The following ZNF202 variants were observed in gnomAD, a reference collection of about 807,000 sequenced individuals.
ZNF202 encodes zinc finger protein 202.
Under a neutral mutation model 54.5 loss-of-function variants are expected in ZNF202, and 22 were observed. The ratio of observed to expected loss-of-function variants is 0.40; its 90% CI spans 0.29 to 0.58. The LOEUF (loss-of-function observed/expected upper bound fraction) is 0.58. ZNF202 is among the 20% of genes least tolerant of loss of function. The probability of loss-of-function intolerance (pLI) is 0.39; values close to 1 mark genes in which losing one functional copy is unlikely to be tolerated. For missense variants in ZNF202, 644 were observed against 805.5 expected (o/e 0.80, Z 2.43); for synonymous variants, 294 against 301.4 (o/e 0.98, Z 0.26).
At position 123,726,544 on chromosome 11, in the gene ZNF202, G is replaced by A; in HGVS notation, c.1400C>T (p.Pro467Leu). The A allele has an allele frequency of 1.2e-6, 2 of 1,614,230 alleles. No homozygotes were observed. The highest frequency in any genetic ancestry group is 2.2e-5 in the South Asian group (2 of 91,078). ...LNRKNLEETS[P>L]VTQAERTPSV... ...TGGAGTTCTCTCAGCCTGTGTCACA[G>A]GGGAGGTCTCTTCCAAATTCTTCCG... The change falls in exon 9 of 9, where the codon CCT (proline) becomes CTT (leucine). Residue 467 changes from proline to leucine, a missense_variant. Coordinates refer to ENST00000530393, the MANE Select transcript of ZNF202 (RefSeq NM_003455.4). This position sits in a 1 kb window ranked among gnomAD's most constrained non-coding sequence, Gnocchi z 6.0.
chr11:123,728,394 T>C (rs1861251699), intron 6 of ZNF202, 132 bp from the exon 7 acceptor site: 4 of 1,212,470 alleles, frequency 3.3e-6, no homozygotes, highest in South Asian at 1.8e-5. Context: ...CTGCTTAAAC[T>C]CATTCTCGGG....
In ZNF202 at chr11:123,733,786, C is replaced by T. The variant is rs184622232; in HGVS notation, c.-97-2801G>A. On this transcript the variant is annotated intron_variant, in intron 3 of 8. Coordinates refer to ENST00000530393, the MANE Select transcript of ZNF202 (RefSeq NM_003455.4). ...TAATGCTTTTGTGTATTATTTAGAT[C>T]GATGCCTTCAAGTAATGTTTGGCCT... Among the ~76,000 whole-genome samples, 344 of 152,258 alleles carry T rather than the reference C, an allele frequency of 2.3e-3. 1 individual carries two copies. The highest frequency in any genetic ancestry group is 8.0e-3 in the African/African-American group (331 of 41,544).
Position 123,729,845 on chromosome 11 carries a change from C to A in ZNF202, c.403-20G>T. The A allele has an allele frequency of 6.3e-7, 1 of 1,580,804 alleles. No homozygotes were observed. The highest frequency in any genetic ancestry group is 8.6e-7 in the Non-Finnish European group (1 of 1,164,924). On this transcript the variant is annotated intron_variant, in intron 4 of 8. Transcript: ENST00000530393. ...AGTCACCTGGGAATAATTCCAACTTCCAGTCACCATGGAGTCAGGAGGAAG... is the reference window on the plus strand; with the variant it reads ...AGTCACCTGGGAATAATTCCAACTTACAGTCACCATGGAGTCAGGAGGAAG...
rs199497943 is a variant in ZNF202 at position 123,730,769 on chromosome 11, C to T, written c.120G>A (p.Pro40=). The change falls in exon 4 of 9, where the codon CCG becomes CCA. Residue 40 remains proline (P), a synonymous_variant. Coordinates refer to ENST00000530393, the MANE Select transcript of ZNF202 (RefSeq NM_003455.4). The surrounding 1 kb of genome is among the most constrained non-coding windows in gnomAD (Gnocchi z 6.0). ...AGTTCTGGTGGGAGGTTTCCAGCAC[C>T]GGGTCATCCCTCTGTAAGACAGACT... ...RPESVLQRDD[P]VLETSHQNFR... The T allele has an allele frequency of 2.1e-5, 34 of 1,614,096 alleles. No homozygotes were observed. Among genetic ancestry groups the T allele is most frequent in the Admixed American group, 1.8e-4 (11 of 60,008 alleles).
Position 123,726,248 on chromosome 11 carries a change from G to C in ZNF202, c.1696C>G (p.Leu566Val). Reference protein sequence around the residue: ...RKTHAAEELYLCSECGRCFTH... With the variant: ...RKTHAAEELYVCSECGRCFTH... The stretch of plus-strand genomic sequence containing the variant: ...AAGCAGCGCCCGCACTCGCTGCAGA[G>C]GTAGAGTTCCTCAGCAGCGTGCGTC... Residue 566 changes from leucine (L) to valine (V), a missense_variant, in exon 9 of 9, where the codon CTC (leucine) becomes GTC (valine). By Grantham distance (32) the Leu-to-Val change is conservative. This residue lies in a region of ZNF202 where 536 missense variants were observed against 635.3 expected (regional missense o/e 0.84). Transcript: ENST00000530393. This position sits in a 1 kb window ranked among gnomAD's most constrained non-coding sequence, Gnocchi z 6.0. 6.2e-7 allele frequency: 1 copy of C among 1,614,220 alleles called. No homozygotes were observed. Among genetic ancestry groups the C allele is most frequent in the Non-Finnish European group, 8.5e-7 (1 of 1,180,044 alleles).
chr11:123,728,191 C>T lies in ZNF202; in HGVS notation c.774G>A (p.Gln258=). 6.2e-7 allele frequency: 1 copy of T among 1,613,250 alleles called. No individual in the cohort carries two copies. The highest frequency in any genetic ancestry group is 1.1e-5 in the South Asian group (1 of 91,032). The change falls in exon 7 of 9, where the codon CAG becomes CAA. Residue 258 remains glutamine (Q), a synonymous_variant. Transcript: ENST00000530393. ...QDQWSDLDPT[Q]KEFYGEYVLE... is the part of the protein sequence containing the mutation. ...AGACATATTCTCCATAGAACTCTTT[C>T]TGTGTTGGGTCCAGATCACTCCACT...
intron 3 of ZNF202, among the ~76,000 whole-genome samples, chr11:123,732,653 A>G (rs984256629): frequency 2.0e-5 from 3 of 152,172 alleles, no homozygotes; most frequent in Admixed American, 2.0e-4. Flanking sequence ...TATTGGTCAT[A>G]TTACATAGCC....
chr11:123,730,751 G>A lies in ZNF202; in HGVS notation c.138C>T (p.His46=). The change falls in exon 4 of 9, where the codon CAC becomes CAT. Residue 46 remains histidine (H), a synonymous_variant. Transcript: ENST00000530393. The surrounding 1 kb of genome is among the most constrained non-coding windows in gnomAD (Gnocchi z 6.0). ...GGTAGCGGAAGCGTCGGAAGTTCTGGTGGGAGGTTTCCAGCACCGGGTCAT... is the reference window on the plus strand; with the variant it reads ...GGTAGCGGAAGCGTCGGAAGTTCTGATGGGAGGTTTCCAGCACCGGGTCAT... ...QRDDPVLETS[H]QNFRRFRYQE... is the part of the protein sequence containing the mutation. 6.2e-7 allele frequency: 1 copy of A among 1,614,250 alleles called. No individual in the cohort carries two copies. The highest frequency in any genetic ancestry group is 1.1e-5 in the South Asian group (1 of 91,092).
intron 3 of ZNF202, 30 bp from the exon 4 acceptor site, chr11:123,731,015 T>C: frequency 8.8e-7 from 1 of 1,134,444 alleles, no homozygotes; most frequent in Non-Finnish European, 1.2e-6. Context: ...CAAACAAGAG[T>C]ATAAGCATGA....
At chr11:123,729,567 C>T (rs992898576) in intron 5 of ZNF202, 48 bp downstream of exon 5, 2 of 1,474,700 alleles carry the variant, frequency 1.4e-6, no homozygotes, top group African/African-American at 1.4e-5. Flanking sequence ...TGTCCCCCTC[C>T]TTGCCTGCCT....
intron 3 of ZNF202, among the ~76,000 whole-genome samples, chr11:123,735,890 C>T (rs1861617071): frequency 6.6e-6 from 1 of 152,188 alleles, no homozygotes; most frequent in Non-Finnish European, 1.5e-5. Context: ...TAATACCTTT[C>T]TTCAATGTCT....
intron 1 of ZNF202, among the ~76,000 whole-genome samples, chr11:123,740,975 C>A (rs533291910): frequency 2.0e-4 from 30 of 151,984 alleles, no homozygotes; most frequent in Non-Finnish European, 4.3e-4. Context: ...GCTGAAAAGC[C>A]TCTGGCCAAA....
intron 3 of ZNF202, among the ~76,000 whole-genome samples, chr11:123,737,040 TGCTAAACCAA>T (rs1565530170): frequency 6.6e-6 from 1 of 151,856 alleles, no homozygotes; most frequent in African/African-American, 2.4e-5. Flanking sequence ...AAAGAAACCA[TGCTAAACCAA>T]AAAAAAAATC....
rs575384396 is a variant in ZNF202 at position 123,726,845 on chromosome 11, C to G, written c.1099G>C (p.Glu367Gln). 6.2e-7 allele frequency: 1 copy of G among 1,614,100 alleles called. No individual in the cohort carries two copies. Among genetic ancestry groups the G allele is most frequent in the Non-Finnish European group, 8.5e-7 (1 of 1,180,052 alleles). Residue 367 changes from glutamate (E) to glutamine (Q), a missense_variant, in exon 9 of 9, where the codon GAA becomes CAA. Glu to Gln is a conservative substitution (Grantham distance 29). Around this residue, in one of 3 missense-constraint regions of ZNF202, gnomAD observed 536 missense variants for 635.3 expected, o/e 0.84. Coordinates refer to ENST00000530393, the MANE Select transcript of ZNF202 (RefSeq NM_003455.4). The surrounding 1 kb of genome is among the most constrained non-coding windows in gnomAD (Gnocchi z 6.0). ...VFEDNPGRLN[E>Q]RRFGTNISQV... ...GAAATATTAGTACCAAATCTTCTTT[C>G]ATTAAGTCTACCTGGATTGTCCTCA...
chr11:123,730,914 C>T lies in ZNF202; in HGVS notation c.-26G>A. The T allele has an allele frequency of 6.3e-7, 1 of 1,588,666 alleles. No homozygotes were observed. Among genetic ancestry groups the T allele is most frequent in the Non-Finnish European group, 8.6e-7 (1 of 1,166,180 alleles). On this transcript the variant is annotated 5_prime_UTR_variant, in exon 4 of 9. In the 5' UTR this introduces an upstream ATG that the reference lacks. Coordinates refer to ENST00000530393, the MANE Select transcript of ZNF202 (RefSeq NM_003455.4). This position sits in a 1 kb window ranked among gnomAD's most constrained non-coding sequence, Gnocchi z 6.0. The stretch of plus-strand genomic sequence containing the variant: ...TTCTTGGCTTTGGGGTGGTCTCACA[C>T]CATCTAGAGCTCACACTGTCATTAG...
In ZNF202 at chr11:123,730,047, C is replaced by T. The variant is rs1259954202; in HGVS notation, c.403-222G>A. On this transcript the variant is annotated intron_variant, in intron 4 of 8. Coordinates refer to ENST00000530393, the MANE Select transcript of ZNF202 (RefSeq NM_003455.4). The surrounding 1 kb of genome is among the most constrained non-coding windows in gnomAD (Gnocchi z 6.0). ...CAGGCCTGCACTGCTCTCTCACCAC[C>T]CCCAGCCTGGGCCCCTGTCACCCAA... 6.6e-6 allele frequency among the ~76,000 whole-genome samples: 1 copy of T among 152,112 alleles called. No individual in the cohort carries two copies. Among genetic ancestry groups the T allele is most frequent in the South Asian group, 2.1e-4 (1 of 4,826 alleles).
At chr11:123,734,582 A>T (rs1026543062) in intron 3 of ZNF202, among the ~76,000 whole-genome samples, 2 of 152,126 alleles carry the variant, frequency 1.3e-5, no homozygotes, top group African/African-American at 4.8e-5. Context: ...CTTCCACAGG[A>T]ACTTGTATCT....
chr11:123,729,029 AGTGTAAAT>A (rs1269213327), intron 6 of ZNF202, 89 bp downstream of exon 6: 1 of 1,211,420 alleles, frequency 8.3e-7, no homozygotes, highest in East Asian at 2.5e-5. Flanking sequence ...AACTGGCAAG[AGTGTAAAT>A]GTGCATCCTG....
intron 6 of ZNF202, among the ~76,000 whole-genome samples, chr11:123,728,835 C>A (rs1281763540): frequency 2.0e-5 from 3 of 148,074 alleles, no homozygotes; most frequent in African/African-American, 7.4e-5. Context: ...AAAAAAAAAA[C>A]TAAAAAACCC....
Sources: gnomAD v4.1 joint callset for allele counts (sites outside exome capture counted in the v4.1 genomes callset) on GRCh38, gnomAD v4.1.1 for gene constraint, gnomAD v4.1.1 regional missense constraint, Gnocchi (gnomAD v3.1) non-coding constraint, MANE v1.5 for transcripts, NCBI Gene and HGNC (gene_info 2026-07-23, HGNC 2026-07-21) for gene names.